MSANTD2: variants seen among roughly 807,000 people sequenced by gnomAD.
The protein encoded by MSANTD2 is Myb/SANT DNA binding domain containing 2.
MSANTD2 carries 19 observed loss-of-function variants against 52.6 expected under a neutral mutation model. The ratio of observed to expected loss-of-function variants is 0.36; its 90% CI spans 0.25 to 0.53. The LOEUF is 0.53. Ranked by LOEUF, MSANTD2 falls within the 20% of genes least tolerant of loss-of-function variation. MSANTD2 has a pLI of 0.91. For missense variants in MSANTD2, 558 were observed against 716.3 expected (o/e 0.78, Z 2.52); for synonymous variants, 291 against 289.7 (o/e 1.00, Z -0.04).
chr11:124,798,646 T>C (rs1945574976), intron 1 of MSANTD2, among the ~76,000 whole-genome samples: 1 of 152,182 alleles, frequency 6.6e-6, no homozygotes, highest in Non-Finnish European at 1.5e-5. Context: ...CCCAAAGAAA[T>C]ACTACTGGAG....
chr11:124,794,423 G>A lies in MSANTD2; in HGVS notation c.510+5448C>T, dbSNP rs78581326. Reference sequence around the variant, plus strand: ...CATCAAGCATCTGTCAAATTCATAAGCAGATAAGCAAACTGGAAGGCACAA... The same window carrying A: ...CATCAAGCATCTGTCAAATTCATAAACAGATAAGCAAACTGGAAGGCACAA... On this transcript the variant is annotated intron_variant, in intron 1 of 3. Transcript: ENST00000374979. Among the ~76,000 whole-genome samples the A allele has an allele frequency of 1.1e-3, 171 of 152,292 alleles. 1 individual carries two copies. Among genetic ancestry groups the A allele is most frequent in the African/African-American group, 2.7e-3 (112 of 41,566 alleles).
At position 124,767,030 on chromosome 11, in the gene MSANTD2, A is replaced by G. The variant is rs1395884182; in HGVS notation, c.*146T>C. On this transcript the variant is annotated 3_prime_UTR_variant, in exon 4 of 4. Transcript: ENST00000374979. The surrounding 1 kb of genome is among the most constrained non-coding windows in gnomAD (Gnocchi z 6.5). ...TTTTTTCTGGCCCAAGTCTACTATG[A>G]TTCCTTAGAAGTCGTACTGGCCCAA... The G allele has an allele frequency of 7.5e-6, 6 of 798,864 alleles. No individual in the cohort carries two copies. Among genetic ancestry groups the G allele is most frequent in the Non-Finnish European group, 1.2e-5 (6 of 516,944 alleles). 49.5% of individuals were successfully genotyped at this position (798,864 alleles called of 1,614,324 possible).
At chr11:124,775,622 G>C (rs564860224) in intron 1 of MSANTD2, 53 of 152,564 alleles carry the variant, frequency 3.5e-4, no homozygotes, top group African/African-American at 1.3e-3. Context: ...TCAAGAAACA[G>C]TACACTAATA....
chr11:124,775,094 G>C, intron 1 of MSANTD2, 120 bp from the exon 2 acceptor site: 2 of 812,392 alleles, frequency 2.5e-6, no homozygotes, highest in Non-Finnish European at 3.6e-6. Flanking sequence ...CATTGTTACA[G>C]GAATGCTAGA....
chr11:124,792,051 T>C (rs1440731221), intron 1 of MSANTD2: 2 of 156,650 alleles, frequency 1.3e-5, no homozygotes, highest in Non-Finnish European at 2.8e-5. Flanking sequence ...TATACATATA[T>C]GTCATGAAAC....
chr11:124,781,501 A>C (rs986553720), intron 1 of MSANTD2, among the ~76,000 whole-genome samples: 3 of 152,206 alleles, frequency 2.0e-5, no homozygotes, highest in Non-Finnish European at 4.4e-5. Context: ...TCTATGGCTA[A>C]GCTCTCACAT....
At chr11:124,778,584 C>T (rs139897457) in intron 1 of MSANTD2, among the ~76,000 whole-genome samples, 29 of 152,200 alleles carry the variant, frequency 1.9e-4, no homozygotes, top group Admixed American at 1.1e-3. Context: ...ACAACTTGAT[C>T]GGTGGTCAAC....
chr11:124,770,087 G>A (rs1209492820), intron 3 of MSANTD2, among the ~76,000 whole-genome samples: 2 of 152,146 alleles, frequency 1.3e-5, no homozygotes, highest in Non-Finnish European at 2.9e-5. Context: ...TAGATTTCCT[G>A]GTTTTTGAAG....
Position 124,767,649 on chromosome 11 carries a change from T to C in MSANTD2, c.1207A>G (p.Thr403Ala). The C allele has an allele frequency of 1.2e-6, 2 of 1,614,254 alleles. No individual in the cohort carries two copies. Among genetic ancestry groups the C allele is most frequent in the East Asian group, 2.2e-5 (1 of 44,890 alleles). ...DWIPIAHSKP[T>A]GGNVVQYLLP... ...AAATATTGAACAACATTCCCACCAG[T>C]TGGTTTGGAGTGGGCAATGGGTATC... The change falls in exon 4 of 4, where the codon ACT (threonine) becomes GCT (alanine). Residue 403 changes from threonine to alanine, a missense_variant. Thr to Ala is a moderately conservative substitution (Grantham distance 58). Transcript: ENST00000374979. The surrounding 1 kb of genome is among the most constrained non-coding windows in gnomAD (Gnocchi z 6.5).
At chr11:124,785,047 TAGTTAGGA>T (rs1945113973) in intron 1 of MSANTD2, among the ~76,000 whole-genome samples, 1 of 151,918 alleles carries the variant, frequency 6.6e-6, no homozygotes, top group Admixed American at 6.6e-5. Context: ...GATCTGAACT[TAGTTAGGA>T]AGTTGTTAGA....
intron 1 of MSANTD2, chr11:124,784,451 T>A: frequency 1.0e-6 from 1 of 983,378 alleles, no homozygotes; most frequent in Non-Finnish European, 1.2e-6. Context: ...ACGAACTAAT[T>A]ATTCCATGGA....
intron 1 of MSANTD2, among the ~76,000 whole-genome samples, chr11:124,788,631 A>ATCTC (rs1454201350): frequency 4.6e-5 from 7 of 152,158 alleles, no homozygotes; most frequent in Non-Finnish European, 1.0e-4. Flanking sequence ...CAGAGAAGGG[A>ATCTC]TCTCTCCTGG....
intron 1 of MSANTD2, chr11:124,784,684 C>A: frequency 1.0e-6 from 1 of 983,984 alleles, no homozygotes; most frequent in Non-Finnish European, 1.2e-6. Flanking sequence ...TAGTTATTTT[C>A]TCACTAAAAA....
At chr11:124,768,077 T>C in intron 3 of MSANTD2, 49 bp from the exon 4 acceptor site, 8 of 1,533,016 alleles carry the variant, frequency 5.2e-6, no homozygotes, top group Non-Finnish European at 7.0e-6. Context: ...AGAACAGCGG[T>C]GTCAGATAGA....
chr11:124,772,518 A>C (rs1165376875), intron 3 of MSANTD2, among the ~76,000 whole-genome samples: 7 of 152,158 alleles, frequency 4.6e-5, no homozygotes, highest in Non-Finnish European at 1.0e-4. Flanking sequence ...TGGGCGGATC[A>C]CCAGGTCAGG....
At position 124,766,630 on chromosome 11, in the gene MSANTD2, T is replaced by A. The variant is rs1591434748; in HGVS notation, c.*546A>T. ...TGGAAATAGCAAAACACTTGGCTGG[T>A]GAAAAAAATGAAAATCTAAATTATA... On this transcript the variant is annotated 3_prime_UTR_variant, in exon 4 of 4. Coordinates refer to ENST00000374979, the MANE Select transcript of MSANTD2 (RefSeq NM_001308027.2). 6.6e-6 allele frequency: 1 copy of A among 152,558 alleles called. No individual in the cohort carries two copies. The highest frequency in any genetic ancestry group is 2.1e-4 in the South Asian group (1 of 4,834). 9.5% of individuals were successfully genotyped at this position (152,558 alleles called of 1,614,324 possible).
chr11:124,789,955 C>T (rs753587770), intron 1 of MSANTD2: 1 of 152,228 alleles, frequency 6.6e-6, no homozygotes, highest in African/African-American at 2.4e-5. Context: ...AACTGCAATC[C>T]TAACAGTTAA....
chr11:124,793,975 G>C (rs962224652), intron 1 of MSANTD2, among the ~76,000 whole-genome samples: 2 of 152,120 alleles, frequency 1.3e-5, no homozygotes, highest in East Asian at 3.8e-4. Context: ...CAATATGGTA[G>C]CCACTACTCA....
At chr11:124,793,228 A>C (rs1565467982) in intron 1 of MSANTD2, among the ~76,000 whole-genome samples, 2 of 152,230 alleles carry the variant, frequency 1.3e-5, no homozygotes, top group South Asian at 4.1e-4. Flanking sequence ...TTTCCTAAAC[A>C]GCAAAAATTT....
Sources: allele counts gnomAD v4.1 joint callset (sites outside exome capture counted in the v4.1 genomes callset), GRCh38; gene constraint gnomAD v4.1.1; non-coding constraint Gnocchi (gnomAD v3.1); transcripts MANE v1.5; gene names NCBI Gene and HGNC (gene_info 2026-07-23, HGNC 2026-07-21).